PPARA: variants seen among roughly 807,000 people sequenced by gnomAD.
The protein encoded by PPARA is peroxisome proliferator-activated receptor alpha.
A neutral mutation model predicts 42.2 loss-of-function variants in PPARA; 22 were observed. The observed-to-expected ratio is 0.52, with a 90% CI of 0.37 to 0.74. PPARA has a LOEUF of 0.74. Ranked by LOEUF, PPARA falls within the 30% of genes least tolerant of loss-of-function variation. The probability of loss-of-function intolerance (pLI) is 0.00; values close to 1 mark genes in which losing one functional copy is unlikely to be tolerated. For synonymous variants in PPARA, 242 were observed against 239.3 expected, an observed-to-expected ratio of 1.01 and a Z score of -0.10; for missense variants, 465 against 608.2, an observed-to-expected ratio of 0.76 and a Z score of 2.48.
At chr22:46,186,773 TC>T (rs1031223554) in intron 3 of PPARA, among the ~76,000 whole-genome samples, 2 of 150,888 alleles carry the variant, frequency 1.3e-5, no homozygotes, top group Non-Finnish European at 3.0e-5. Context: ...TGTACAGTGC[TC>T]CCCCCCTTAT....
At chr22:46,164,931 A>C (rs1022223562) in intron 2 of PPARA, 1 of 152,260 alleles carries the variant, frequency 6.6e-6, no homozygotes, top group Non-Finnish European at 1.5e-5. Flanking sequence ...AAAAATAATA[A>C]GACGAGTAGC....
chr22:46,207,671 ATTATTATTTTTTTTT>A (rs1211244438), intron 4 of PPARA, among the ~76,000 whole-genome samples: 12 of 74,400 alleles, frequency 1.6e-4, no homozygotes, highest in African/African-American at 6.1e-4. Context: ...TATTATTATT[ATTATTATTTTTTTTT>A]TTTTTTTTTT....
Position 46,150,548 on chromosome 22 carries a change from G to T in PPARA, c.-314G>T, listed in dbSNP as rs1192720856. ...GCCGTGGACGCGGCGGCCCCGCGGC[G>T]GGGGCAGCGGGCGGCGGGGGCGGAG... On this transcript the variant is annotated 5_prime_UTR_variant, in exon 1 of 9. Coordinates refer to ENST00000407236, the MANE Select transcript of PPARA (RefSeq NM_005036.6). This position sits in a 1 kb window ranked among gnomAD's most constrained non-coding sequence, Gnocchi z 7.5. 1 of 145,962 alleles carries T rather than the reference G, an allele frequency of 6.9e-6. No individual in the cohort carries two copies. The highest frequency in any genetic ancestry group is 2.0e-4 in the East Asian group (1 of 5,034). 9.0% of individuals were successfully genotyped at this position (145,962 alleles called of 1,614,324 possible).
rs111718240 is a variant in PPARA, at chr22:46,168,623, TG to T, written c.-126-8127del. The stretch of plus-strand genomic sequence containing the variant: ...GAAAGATGAACTAACTCTTCAACAA[TG>T]GGCATGTCATTTGAATGGATGGTAA... On this transcript the variant is annotated intron_variant, in intron 2 of 8. Transcript: ENST00000407236. 5.0e-3 allele frequency among the ~76,000 whole-genome samples: 763 copies of T among 151,956 alleles called. 10 individuals are homozygous for T. The highest frequency in any genetic ancestry group is 0.018 in the African/African-American group (727 of 41,506).
chr22:46,155,021 A>AAAAAAAAAAAC (rs1186226588), intron 2 of PPARA: 1 of 125,584 alleles, frequency 8.0e-6, no homozygotes, highest in Non-Finnish European at 1.8e-5. Context: ...AAAAAAAAAA[A>AAAAAAAAAAAC]AAAAAACCAC....
intron 3 of PPARA, among the ~76,000 whole-genome samples, chr22:46,185,895 CAAAAAA>C (rs1162861606): frequency 0.058 from 1,123 of 19,480 alleles, 19 homozygotes; most frequent in Non-Finnish European, 0.083. Context: ...ACTCCGTCTC[CAAAAAA>C]AAAAAAAAAA....
At chr22:46,164,239 T>A (rs1397535892) in intron 2 of PPARA, 2 of 149,712 alleles carry the variant, frequency 1.3e-5, no homozygotes, top group African/African-American at 5.0e-5. Flanking sequence ...TATTAAGATA[T>A]AATTTACATA....
intron 2 of PPARA, among the ~76,000 whole-genome samples, chr22:46,158,090 C>CTTTCATT (rs911701179): frequency 1.3e-5 from 2 of 152,120 alleles, no homozygotes; most frequent in African/African-American, 2.4e-5. Flanking sequence ...CCCCCACCCC[C>CTTTCATT]TTTCATTTTT....
rs62226991 is a variant in PPARA at position 46,231,088 on chromosome 22, C to T, written c.712-704C>T. On this transcript the variant is annotated intron_variant, in intron 7 of 8. Coordinates refer to ENST00000407236, the MANE Select transcript of PPARA (RefSeq NM_005036.6). The surrounding 1 kb of genome is among the most constrained non-coding windows in gnomAD (Gnocchi z 7.7). ...AGACGGAGTCTTACTCTCGCTCTGT[C>T]GCCCAGACTGGAGACTGGAGTGCAG... 0.034 allele frequency among the ~76,000 whole-genome samples: 5,140 copies of T among 152,128 alleles called. 140 individuals carry two copies. The highest frequency in any genetic ancestry group is 0.049 in the Non-Finnish European group (3,314 of 67,996).
intron 2 of PPARA, among the ~76,000 whole-genome samples, chr22:46,154,750 G>A (rs1254794174): frequency 1.3e-5 from 2 of 150,876 alleles, no homozygotes; most frequent in Admixed American, 6.6e-5. Flanking sequence ...ACGGCCTATT[G>A]CAGCCTCGAC....
intron 7 of PPARA, among the ~76,000 whole-genome samples, chr22:46,228,408 T>A (rs1935621775): frequency 6.6e-6 from 1 of 152,108 alleles, no homozygotes. Flanking sequence ...GGTTGGTGGG[T>A]GCCTGTAATC....
At chr22:46,166,470 T>A (rs1199789055) in intron 2 of PPARA, among the ~76,000 whole-genome samples, 1 of 151,740 alleles carries the variant, frequency 6.6e-6, no homozygotes, top group Non-Finnish European at 1.5e-5. Context: ...ATACAAAAAT[T>A]AGCTGGATGT....
In PPARA at chr22:46,236,414, C is replaced by G. The variant is rs569132418; in HGVS notation, c.*1034C>G. The G allele has an allele frequency of 5.2e-5, 8 of 152,798 alleles. No homozygotes were observed. The highest frequency in any genetic ancestry group is 2.0e-4 in the Admixed American group (3 of 15,306). 9.5% of individuals were successfully genotyped at this position (152,798 alleles called of 1,614,324 possible). On this transcript the variant is annotated 3_prime_UTR_variant, in exon 9 of 9. Transcript: ENST00000407236. This position sits in a 1 kb window ranked among gnomAD's most constrained non-coding sequence, Gnocchi z 5.2. ...AGAGTCTCAAGACCCCCGCTCTGGA[C>G]TGTCATAAGCTAGCACCCGTGGTAA...
Position 46,225,599 on chromosome 22 carries a change from TCA to T in PPARA, c.711+5590_711+5591del, listed in dbSNP as rs895868796. 2.4e-5 allele frequency among the ~76,000 whole-genome samples: 3 copies of T among 124,716 alleles called. No individual in the cohort carries two copies. The highest frequency in any genetic ancestry group is 5.2e-5 in the Non-Finnish European group (3 of 57,218). 81.8% of individuals were successfully genotyped at this position (124,716 alleles called of 152,430 possible). On this transcript the variant is annotated intron_variant, in intron 7 of 8. Coordinates refer to ENST00000407236, the MANE Select transcript of PPARA (RefSeq NM_005036.6). The surrounding 1 kb of genome is among the most constrained non-coding windows in gnomAD (Gnocchi z 4.1). Reference sequence around the variant, plus strand: ...CATGCTCACACACATGCACCCACAGTCACACATCCATGCATGCATGTGTACAC... The same window carrying T: ...CATGCTCACACACATGCACCCACAGTCACATCCATGCATGCATGTGTACAC...
intron 7 of PPARA, among the ~76,000 whole-genome samples, chr22:46,226,687 G>A (rs1034587643): frequency 3.9e-5 from 6 of 152,010 alleles, no homozygotes; most frequent in African/African-American, 9.7e-5. Context: ...AAGAAAGGCC[G>A]GCTTGGGCAA....
Position 46,235,413 on chromosome 22 carries a change from G to T in PPARA, c.*33G>T. 1 of 1,609,898 alleles carries T rather than the reference G, an allele frequency of 6.2e-7. No individual in the cohort carries two copies. Among genetic ancestry groups the T allele is most frequent in the South Asian group, 1.1e-5 (1 of 90,436 alleles). ...CAGATCAGCCACACCTTTTCCAGGA[G>T]TTCTGAAGCTGACAGCACTACAAAG... On this transcript the variant is annotated 3_prime_UTR_variant, in exon 9 of 9. Coordinates refer to ENST00000407236, the MANE Select transcript of PPARA (RefSeq NM_005036.6). The surrounding 1 kb of genome is among the most constrained non-coding windows in gnomAD (Gnocchi z 7.0).
chr22:46,209,582 A>G (rs1181501183), intron 4 of PPARA, among the ~76,000 whole-genome samples: 4 of 152,146 alleles, frequency 2.6e-5, no homozygotes, highest in Admixed American at 1.3e-4. Flanking sequence ...CTTCTGCAAT[A>G]TCTAATCTGC....
At chr22:46,194,197 A>G (rs1443112105) in intron 3 of PPARA, among the ~76,000 whole-genome samples, 1 of 152,176 alleles carries the variant, frequency 6.6e-6, no homozygotes. Flanking sequence ...AATTTGTTCA[A>G]TGATCCGTAT....
In PPARA at chr22:46,211,847, G is replaced by A. The variant is rs940787882; in HGVS notation, c.209-3326G>A. On this transcript the variant is annotated intron_variant, in intron 4 of 8. Coordinates refer to ENST00000407236, the MANE Select transcript of PPARA (RefSeq NM_005036.6). The surrounding 1 kb of genome is among the most constrained non-coding windows in gnomAD (Gnocchi z 4.1). ...ACTACAGGCACGCACCACCACCCCTGGCTAACTTTTTGTATTTTTACAAAA... is the reference window on the plus strand; with the variant it reads ...ACTACAGGCACGCACCACCACCCCTAGCTAACTTTTTGTATTTTTACAAAA... Among the ~76,000 whole-genome samples, 5 of 151,928 alleles carry A rather than the reference G, an allele frequency of 3.3e-5. No homozygotes were observed. The highest frequency in any genetic ancestry group is 1.3e-4 in the Admixed American group (2 of 15,236).
Sources: gnomAD v4.1 joint callset for allele counts (sites outside exome capture counted in the v4.1 genomes callset) on GRCh38, gnomAD v4.1.1 for gene constraint, Gnocchi (gnomAD v3.1) non-coding constraint, MANE v1.5 for transcripts, NCBI Gene and HGNC (gene_info 2026-07-23, HGNC 2026-07-21) for gene names.